Variants in SYNE2 observed in about 807,000 individuals in gnomAD.
The protein encoded by SYNE2 is nesprin-2.
A neutral mutation model predicts 856.3 loss-of-function variants in SYNE2; 431 were observed. The observed-to-expected ratio is 0.50, with a 90% CI of 0.47 to 0.55. The LOEUF (loss-of-function observed/expected upper bound fraction) is 0.55, where lower values mean the gene tolerates loss of function less well. Ranked by LOEUF, SYNE2 falls within the 20% of genes least tolerant of loss-of-function variation. SYNE2 has a pLI of 0.00. For synonymous variants in SYNE2, 2,923 were observed against 2,872.3 expected, an observed-to-expected ratio of 1.02 and a Z score of -0.56; for missense variants, 8,129 against 8,023.2, an observed-to-expected ratio of 1.01 and a Z score of -0.50.
rs1373392346 is a variant in SYNE2, at chr14:64,186,574, T to C, written c.17707T>C (p.Leu5903=). The change falls in exon 97 of 116, where the codon TTA becomes CTA. Residue 5903 remains leucine, a synonymous_variant. Coordinates refer to ENST00000555002, the MANE Select transcript of SYNE2 (RefSeq NM_182914.3). The part of the protein sequence containing the change: ...HLHRQWEDLC[L]RVAIRKQEIE... ...GCACAGACAATGGGAGGACCTCTGC[T>C]TAAGGGTAAGTCAGCTCACTGCAGG... The C allele has an allele frequency of 3.7e-6, 6 of 1,614,140 alleles. No individual in the cohort carries two copies. The highest frequency in any genetic ancestry group is 1.6e-4 in the Middle Eastern group (1 of 6,062).
upstream of SYNE2, among the ~76,000 whole-genome samples, chr14:63,850,102 A>C (rs1266679141): frequency 7.5e-6 from 1 of 133,222 alleles, no homozygotes; most frequent in Non-Finnish European, 1.6e-5. Context: ...TTTTTTTGAG[A>C]TGGAGTTTCG....
intron 53 of SYNE2, 61 bp from the exon 54 acceptor site, chr14:64,075,884 T>C (rs2097454438): frequency 1.9e-6 from 3 of 1,594,334 alleles, no homozygotes; most frequent in Admixed American, 3.3e-5. Context: ...CTGCTTTCAC[T>C]TTTTAGAATT....
At chr14:64,003,360 G>A (rs944335697) in intron 30 of SYNE2, 30 bp downstream of exon 30, 1 of 1,613,428 alleles carries the variant, frequency 6.2e-7, no homozygotes, top group African/African-American at 1.3e-5. Flanking sequence ...TTCCATCCAA[G>A]GTGACTGACA....
At chr14:64,164,437 TG>T (rs2098358398) in intron 89 of SYNE2, among the ~76,000 whole-genome samples, 3 of 152,114 alleles carry the variant, frequency 2.0e-5, no homozygotes, top group Admixed American at 2.0e-4. Context: ...TTAGTAGAGA[TG>T]GGGTTTCGCC....
At chr14:63,949,275 T>C (rs932664255) in intron 6 of SYNE2, among the ~76,000 whole-genome samples, 3 of 152,214 alleles carry the variant, frequency 2.0e-5, no homozygotes, top group African/African-American at 7.2e-5. Context: ...ACATTTACTT[T>C]GCCTGTATAA....
chr14:64,005,886 A>G (rs1792103368), intron 30 of SYNE2, among the ~76,000 whole-genome samples: 2 of 152,196 alleles, frequency 1.3e-5, no homozygotes, highest in African/African-American at 4.8e-5. Context: ...GGCACTCCTT[A>G]TTGAGAGATC....
rs904392218 is a variant in SYNE2, at chr14:64,190,877, C to G, written c.18038+640C>G. ...CTCTCCTCCCAAAATGATGATGATG[C>G]CCAAAATTTTTAAATGTCTTCAAAT... is the stretch of plus-strand genomic sequence containing the variant. On this transcript the variant is annotated intron_variant, in intron 99 of 115. Transcript: ENST00000555002. 1.0e-5 allele frequency: 7 copies of G among 692,916 alleles called. No individual in the cohort carries two copies. In the African/African-American group the frequency reaches 1.2e-4, roughly 12 times the overall value. The allele number at this position is 692,916 out of a possible 1,614,324, so 42.9% of individuals were successfully genotyped here. A position where few individuals can be genotyped will look rare whatever the true frequency, so the allele number is the denominator to read the frequency against.
chr14:64,085,143 G>A, intron 57 of SYNE2: 1 of 610,830 alleles, frequency 1.6e-6, no homozygotes, highest in South Asian at 2.0e-5. Context: ...CACAATGTCG[G>A]CTCACTGCAG....
Position 64,053,158 on chromosome 14 carries a change from T to C in SYNE2, c.9245T>C (p.Leu3082Pro), listed in dbSNP as rs1223792421. 1 of 1,614,136 alleles carries C rather than the reference T, an allele frequency of 6.2e-7. No homozygotes were observed. The highest frequency in any genetic ancestry group is 2.2e-5 in the East Asian group (1 of 44,874). Residue 3082 changes from leucine (L) to proline (P), a missense_variant, in exon 48 of 116, where the codon CTC becomes CCC. Around this residue, in one of 3 missense-constraint regions of SYNE2, gnomAD observed 5,410 missense variants for 5,284.8 expected, o/e 1.02. Coordinates refer to ENST00000555002, the MANE Select transcript of SYNE2 (RefSeq NM_182914.3). The stretch of plus-strand genomic sequence containing the variant: ...GATAGCTCTCCGGAAAGCAGACGGC[T>C]CAATGCCCAAATTTTAAGTCAGAGA... ...APDSSPESRRLNAQILSQRIE... is the reference protein window; with the variant it reads ...APDSSPESRRPNAQILSQRIE...
intron 1 of SYNE2, among the ~76,000 whole-genome samples, chr14:63,806,107 G>T (rs2139811667): frequency 6.6e-6 from 1 of 152,228 alleles, no homozygotes; most frequent in East Asian, 1.9e-4. Context: ...TATGATGTTG[G>T]CTGTGGGTTT....
chr14:63,910,499 G>T (rs1377595464), intron 2 of SYNE2, among the ~76,000 whole-genome samples: 1 of 152,094 alleles, frequency 6.6e-6, no homozygotes, highest in East Asian at 1.9e-4. Context: ...TTTCAGTAAG[G>T]ACTTAAAAAT....
chr14:64,165,535 C>G, intron 90 of SYNE2, 125 bp downstream of exon 90: 1 of 995,838 alleles, frequency 1.0e-6, no homozygotes, highest in Non-Finnish European at 1.5e-6. Flanking sequence ...TTTTTTGAGA[C>G]GGACTCTCGC....
At chr14:63,840,152 C>T (rs903723303) in intron 1 of SYNE2, among the ~76,000 whole-genome samples, 1 of 152,104 alleles carries the variant, frequency 6.6e-6, no homozygotes, top group African/African-American at 2.4e-5. Context: ...TGAATGTAAT[C>T]CCAGCTACTT....
At chr14:64,072,496 ACTT>A (rs2097419545) in intron 52 of SYNE2, among the ~76,000 whole-genome samples, 1 of 112,672 alleles carries the variant, frequency 8.9e-6, no homozygotes, top group African/African-American at 2.8e-5. Flanking sequence ...TGCTACCTAT[ACTT>A]CTCCTTTTTT....
At chr14:63,893,740 G>A (rs2095190297) in intron 1 of SYNE2, among the ~76,000 whole-genome samples, 1 of 152,188 alleles carries the variant, frequency 6.6e-6, no homozygotes, top group Admixed American at 6.5e-5. Flanking sequence ...GGAATCTGAA[G>A]AATCTGTTTC....
In SYNE2 at chr14:63,919,972, G is replaced by GTTTTTTTTTTTTTTTTTTT. The variant is rs10673123; in HGVS notation, c.79+10746_79+10764dup. 9.2e-3 allele frequency among the ~76,000 whole-genome samples: 1,011 copies of GTTTTTTTTTTTTTTTTTTT among 110,292 alleles called. 42 individuals are homozygous for GTTTTTTTTTTTTTTTTTTT. The highest frequency in any genetic ancestry group is 0.022 in the South Asian group (66 of 2,946). The allele number at this position is 110,292 out of a possible 152,430, so 72.4% of individuals were successfully genotyped here. A position where few individuals can be genotyped will look rare whatever the true frequency, so the allele number is the denominator to read the frequency against. Reference sequence around the variant, plus strand: ...ATATCAGGCACATGATAAAAGGTAAGTTTTTTTTTTTTTTTTTTTAAGGTA... The same window carrying GTTTTTTTTTTTTTTTTTTT: ...ATATCAGGCACATGATAAAAGGTAAGTTTTTTTTTTTTTTTTTTTTTTTTTTTTTTTTTTTTTTAAGGTA... On this transcript the variant is annotated intron_variant, in intron 2 of 115. Transcript: ENST00000555002.
rs1431849382 is a variant in SYNE2 at position 64,065,590 on chromosome 14, T to C, written c.10371T>C (p.Ala3457=). Residue 3457 remains alanine (A), a synonymous_variant, in exon 51 of 116, where the codon GCT becomes GCC. Coordinates refer to ENST00000555002, the MANE Select transcript of SYNE2 (RefSeq NM_182914.3). ...AATGGCTGAGTTTGCTGGAAGCTGC[T>C]AAAGAGTGGGAGATGTGGTGCGAAG... ...WEKWLSLLEA[A]KEWEMWCEEL... The C allele has an allele frequency of 1.2e-6, 2 of 1,614,170 alleles. No individual in the cohort carries two copies. The highest frequency in any genetic ancestry group is 2.2e-5 in the East Asian group (1 of 44,890).
chr14:64,177,484 G>T lies in SYNE2; in HGVS notation c.17556+1G>T. ...CCATAACGAAAAAGAGCTGATTAAGGTATTGAAATCCAAACAAGTGGCCAA... is the reference window on the plus strand; with the variant it reads ...CCATAACGAAAAAGAGCTGATTAAGTTATTGAAATCCAAACAAGTGGCCAA... On this transcript the variant is annotated splice_donor_variant, in intron 96 of 115. Coordinates refer to ENST00000555002, the MANE Select transcript of SYNE2 (RefSeq NM_182914.3). LOFTEE classifies it high-confidence loss of function. The T allele has an allele frequency of 6.2e-7, 1 of 1,614,124 alleles. No homozygotes were observed. The highest frequency in any genetic ancestry group is 2.2e-5 in the East Asian group (1 of 44,872).
chr14:64,042,878 G>C (rs2097159322), intron 45 of SYNE2, among the ~76,000 whole-genome samples: 1 of 152,220 alleles, frequency 6.6e-6, no homozygotes, highest in South Asian at 2.1e-4. Flanking sequence ...TGAAAATGTG[G>C]AAGTGACTTA....
Sources: gnomAD v4.1 joint callset for allele counts (sites outside exome capture counted in the v4.1 genomes callset) on GRCh38, gnomAD v4.1.1 for gene constraint, gnomAD v4.1.1 regional missense constraint, MANE v1.5 for transcripts, NCBI Gene and HGNC (gene_info 2026-07-23, HGNC 2026-07-21) for gene names.